The following SCML1 variants were observed in gnomAD, a reference collection of about 807,000 sequenced individuals.
The protein encoded by SCML1 is sex comb on midleg-like protein 1.
For synonymous variants in SCML1, 104 were observed against 103.6 expected, an observed-to-expected ratio of 1.00 and a Z score of -0.02; for missense variants, 137 against 258.1, an observed-to-expected ratio of 0.53 and a Z score of 3.22.
At chrX:17,746,679 T>A (rs1279570391) in intron 4 of SCML1, among the ~76,000 whole-genome samples, 1 of 111,945 alleles carries the variant, frequency 8.9e-6, no homozygotes, top group Non-Finnish European at 1.9e-5. Flanking sequence ...GTAAAATTGT[T>A]TGGGTGTTTA....
At chrX:17,750,349 C>A (rs938653773) in intron 6 of SCML1, 56 bp downstream of exon 6, 13 of 1,099,195 alleles carry the variant, frequency 1.2e-5, no homozygotes, top group Non-Finnish European at 1.5e-5. Flanking sequence ...TGATGAGTTA[C>A]TCAGCTTTGA....
chrX:17,745,613 C>T, intron 3 of SCML1, 74 bp downstream of exon 3: 1 of 550,252 alleles, frequency 1.8e-6, no homozygotes, highest in Non-Finnish European at 2.9e-6. Context: ...TCCTCGTATA[C>T]TATGGAGTTC....
Position 17,739,776 on chromosome X carries a change from G to A in SCML1, c.-117+2096G>A, listed in dbSNP as rs1204251464. The stretch of plus-strand genomic sequence containing the variant: ...AGGGAGGAGAATTGCTTTAACCCGG[G>A]AGGCAGAGGTTGCAGTAAGCCGAGA... On this transcript the variant is annotated intron_variant, in intron 1 of 7. Transcript: ENST00000380041. Among the ~76,000 whole-genome samples, 7 of 102,976 alleles carry A rather than the reference G, an allele frequency of 6.8e-5. No homozygotes were observed. In the Admixed American group the frequency reaches 7.4e-4, roughly 11 times the overall value. The allele number at this position is 102,976 out of a possible 115,157, so 89.4% of individuals were successfully genotyped here.
chrX:17,741,857 G>A (rs2066598432), intron 1 of SCML1, among the ~76,000 whole-genome samples: 1 of 111,272 alleles, frequency 9.0e-6, no homozygotes. Context: ...TTCCTCATAA[G>A]GAAAATGAGG....
intron 4 of SCML1, among the ~76,000 whole-genome samples, chrX:17,748,615 A>T (rs1366705087): frequency 8.9e-6 from 1 of 112,407 alleles, no homozygotes; most frequent in African/African-American, 3.2e-5. Context: ...GAATGAATGA[A>T]TGAATGAGGA....
chrX:17,743,861 T>C (rs981584548), intron 1 of SCML1: 1 of 195,016 alleles, frequency 5.1e-6, no homozygotes, highest in African/African-American at 3.0e-5. Context: ...TGTAATTGTG[T>C]TTGATTTGAT....
intron 7 of SCML1, among the ~76,000 whole-genome samples, chrX:17,753,026 T>C (rs1456712034): frequency 9.1e-6 from 1 of 110,022 alleles, no homozygotes; most frequent in Non-Finnish European, 1.9e-5. Context: ...TAAGATATTA[T>C]GTTAAATTTC....
In SCML1 at chrX:17,751,733, T is replaced by C. The variant is rs751914709; in HGVS notation, c.704-82T>C. The C allele has an allele frequency of 1.5e-4, 155 of 1,029,155 alleles. No individual in the cohort carries two copies. The African/African-American group carries it at 2.6e-3, about 17-fold the overall frequency. The allele number at this position is 1,029,155 out of a possible 1,213,427, so 84.8% of individuals were successfully genotyped here. On this transcript the variant is annotated intron_variant, in intron 6 of 7. Coordinates refer to ENST00000380041, the MANE Select transcript of SCML1 (RefSeq NM_001037540.3). ...GTTCCAACAAAGAGAGCATTCCTCC[T>C]TACCTAACATCTCTTCTTTCAGGAT... is the stretch of plus-strand genomic sequence containing the variant.
At chrX:17,752,068 T>C in intron 7 of SCML1, 102 bp downstream of exon 7, 1 of 879,668 alleles carries the variant, frequency 1.1e-6, no homozygotes, top group Non-Finnish European at 1.6e-6. Flanking sequence ...AGAACCCTAT[T>C]AGCTGATTTT....
intron 1 of SCML1, among the ~76,000 whole-genome samples, chrX:17,738,347 C>T (rs2066560245): frequency 8.9e-6 from 1 of 111,905 alleles, no homozygotes; most frequent in South Asian, 3.8e-4. Context: ...TCGCGTCCCT[C>T]CCTCCTCTCC....
At chrX:17,737,358 G>C (rs2066543952), upstream of SCML1, 1 of 86,206 alleles carries the variant, frequency 1.2e-5, no homozygotes, top group Non-Finnish European at 2.2e-5. Flanking sequence ...GAGCACCCGC[G>C]GATTGGCCGA....
At chrX:17,751,520 G>C (rs2066706749) in intron 6 of SCML1, among the ~76,000 whole-genome samples, 1 of 112,365 alleles carries the variant, frequency 8.9e-6, no homozygotes, top group African/African-American at 3.2e-5. Context: ...TGTGGCCAAA[G>C]AAGACTTGGT....
At chrX:17,747,904 A>G (rs2066657917) in intron 4 of SCML1, among the ~76,000 whole-genome samples, 1 of 111,910 alleles carries the variant, frequency 8.9e-6, no homozygotes, top group Admixed American at 9.4e-5. Context: ...CACACAGCCA[A>G]TAAGTGGCTG....
intron 2 of SCML1, 21 bp from the exon 3 acceptor site, chrX:17,745,435 T>C: frequency 1.0e-6 from 1 of 975,841 alleles, no homozygotes; most frequent in Admixed American, 2.4e-5. Context: ...CCCTTTTAAT[T>C]TGTTGGTAAA....
In SCML1 at chrX:17,753,520, G is replaced by T; in HGVS notation, c.*128G>T. ...AAAGTATCTCTCAAAATATATTATAGCTAGAATTGTAGAACTATGTTATAG... is the reference window on the plus strand; with the variant it reads ...AAAGTATCTCTCAAAATATATTATATCTAGAATTGTAGAACTATGTTATAG... On this transcript the variant is annotated 3_prime_UTR_variant, in exon 8 of 8. Coordinates refer to ENST00000380041, the MANE Select transcript of SCML1 (RefSeq NM_001037540.3). The T allele has an allele frequency of 2.2e-6, 1 of 452,159 alleles. No individual in the cohort carries two copies. Among genetic ancestry groups the T allele is most frequent in the South Asian group, 7.0e-5 (1 of 14,199 alleles). 37.3% of individuals were successfully genotyped at this position (452,159 alleles called of 1,213,427 possible). A position where few individuals can be genotyped will look rare whatever the true frequency, so the allele number is the denominator to read the frequency against.
intron 1 of SCML1, among the ~76,000 whole-genome samples, chrX:17,742,540 A>G (rs1265596139): frequency 8.9e-6 from 1 of 112,301 alleles, no homozygotes; most frequent in Non-Finnish European, 1.9e-5. Flanking sequence ...ATGCAGGACC[A>G]GCAGGATACT....
At chrX:17,752,340 T>G (rs1465710167) in intron 7 of SCML1, among the ~76,000 whole-genome samples, 1 of 112,195 alleles carries the variant, frequency 8.9e-6, no homozygotes, top group Non-Finnish European at 1.9e-5. Context: ...GCCTTCGTTT[T>G]ATATAACCAG....
At chrX:17,741,555 TAG>T (rs1217666400) in intron 1 of SCML1, among the ~76,000 whole-genome samples, 1 of 112,240 alleles carries the variant, frequency 8.9e-6, no homozygotes, top group Non-Finnish European at 1.9e-5. Context: ...GTAAAGTGCA[TAG>T]AGTGTGGTGG....
chrX:17,751,753 C>T, intron 6 of SCML1, 62 bp from the exon 7 acceptor site: 1 of 1,098,709 alleles, frequency 9.1e-7, no homozygotes, highest in Non-Finnish European at 1.2e-6. Flanking sequence ...TCTCTTCTTT[C>T]AGGATAATGA....
Sources: allele counts gnomAD v4.1 joint callset (sites outside exome capture counted in the v4.1 genomes callset), GRCh38; gene constraint gnomAD v4.1.1; transcripts MANE v1.5; gene names NCBI Gene and HGNC (gene_info 2026-07-23, HGNC 2026-07-21).